Variants in CNTNAP2 observed in about 807,000 individuals in gnomAD.
CNTNAP2 encodes the protein contactin-associated protein-like 2.
Under a neutral mutation model 155.2 loss-of-function variants are expected in CNTNAP2, and 98 were observed. The ratio of observed to expected loss-of-function variants is 0.63; its 90% CI spans 0.54 to 0.75. The LOEUF (loss-of-function observed/expected upper bound fraction) is 0.75, where lower values mean the gene tolerates loss of function less well. Among genes scored for constraint, CNTNAP2 ranks in the 30% least tolerant of loss-of-function variants. The pLI is 0.00. For synonymous variants in CNTNAP2, 651 were observed against 631.2 expected (o/e 1.03, Z -0.47); for missense variants, 1,727 against 1,688.1 (o/e 1.02, Z -0.40).
chr7:147,116,407 C>G (rs1319931065), intron 5 of CNTNAP2, among the ~76,000 whole-genome samples: 1 of 152,210 alleles, frequency 6.6e-6, no homozygotes, highest in Non-Finnish European at 1.5e-5. Flanking sequence ...CTCCAAGGCC[C>G]ACAGGCTGGA....
chr7:147,027,708 G>C (rs2129249177), intron 3 of CNTNAP2, among the ~76,000 whole-genome samples: 1 of 152,246 alleles, frequency 6.6e-6, no homozygotes, highest in East Asian at 1.9e-4. Context: ...GAGCTCTCAG[G>C]GGAGAAGGAG....
chr7:147,609,731 G>A (rs1357793147), intron 12 of CNTNAP2, among the ~76,000 whole-genome samples: 1 of 152,098 alleles, frequency 6.6e-6, no homozygotes, highest in African/African-American at 2.4e-5. Flanking sequence ...AAGGGAGGCA[G>A]ATGAACAGGA....
chr7:148,218,108 A>G (rs1198265859), intron 19 of CNTNAP2, among the ~76,000 whole-genome samples: 1 of 152,280 alleles, frequency 6.6e-6, no homozygotes, highest in Admixed American at 6.5e-5. Context: ...GCTGGGCAAC[A>G]GAGTGAGACC....
chr7:147,423,619 G>T (rs1797333242), intron 10 of CNTNAP2, among the ~76,000 whole-genome samples: 1 of 151,992 alleles, frequency 6.6e-6, no homozygotes, highest in African/African-American at 2.4e-5. Context: ...GTATTCTTTG[G>T]AGTTTTCAAT....
intron 22 of CNTNAP2, among the ~76,000 whole-genome samples, chr7:148,402,246 T>TTAAC (rs1799602234): frequency 6.6e-6 from 1 of 152,238 alleles, no homozygotes; most frequent in South Asian, 2.1e-4. Context: ...TAAAGCTTGT[T>TTAAC]TAACTTTTCA....
intron 14 of CNTNAP2, among the ~76,000 whole-genome samples, chr7:147,909,785 T>A (rs1301643780): frequency 6.6e-6 from 1 of 152,176 alleles, no homozygotes; most frequent in Non-Finnish European, 1.5e-5. Context: ...ATTCATTGCG[T>A]GAGTACCCTT....
chr7:146,210,390 G>A (rs967880007), intron 1 of CNTNAP2, among the ~76,000 whole-genome samples: 4 of 152,166 alleles, frequency 2.6e-5, no homozygotes, highest in East Asian at 1.9e-4. Context: ...ATTTTTCTCC[G>A]CCTCCCGGGT....
chr7:146,807,334 AT>A (rs1802986331), intron 2 of CNTNAP2, among the ~76,000 whole-genome samples: 1 of 152,218 alleles, frequency 6.6e-6, no homozygotes, highest in African/African-American at 2.4e-5. Context: ...TTAATAATAT[AT>A]TTTTTAACTA....
chr7:146,761,250 A>G (rs1802091818), intron 1 of CNTNAP2, among the ~76,000 whole-genome samples: 1 of 151,970 alleles, frequency 6.6e-6, no homozygotes. Flanking sequence ...GTTAATACGC[A>G]GATGAATGCA....
At chr7:146,990,029 A>G (rs546311815) in intron 3 of CNTNAP2, among the ~76,000 whole-genome samples, 2 of 152,262 alleles carry the variant, frequency 1.3e-5, no homozygotes, top group Non-Finnish European at 2.9e-5. Context: ...ATGTCCAATA[A>G]GCCATATTTA....
intron 1 of CNTNAP2, among the ~76,000 whole-genome samples, chr7:146,577,873 C>T (rs1315613770): frequency 6.6e-6 from 1 of 151,770 alleles, no homozygotes; most frequent in Admixed American, 6.6e-5. Flanking sequence ...AAAAGTCAGT[C>T]ATTTTGTTTT....
chr7:146,876,724 G>A (rs184414171), intron 3 of CNTNAP2, among the ~76,000 whole-genome samples: 3 of 152,234 alleles, frequency 2.0e-5, no homozygotes, highest in Admixed American at 6.5e-5. Context: ...ATACAATAAT[G>A]TGTATTGTTG....
At chr7:146,349,062 A>G (rs756713246) in intron 1 of CNTNAP2, among the ~76,000 whole-genome samples, 113 of 152,196 alleles carry the variant, frequency 7.4e-4, no homozygotes, top group Non-Finnish European at 7.2e-4. Context: ...GTAAGTTACC[A>G]CAAGGCCTGG....
At chr7:146,564,141 G>T (rs1253597071) in intron 1 of CNTNAP2, among the ~76,000 whole-genome samples, 1 of 152,120 alleles carries the variant, frequency 6.6e-6, no homozygotes, top group Non-Finnish European at 1.5e-5. Flanking sequence ...ACATTTCATA[G>T]AAGTAAATGT....
intron 1 of CNTNAP2, among the ~76,000 whole-genome samples, chr7:146,525,532 T>TTATCTATCTATC (rs71175655): frequency 0.012 from 1,839 of 147,948 alleles, 14 homozygotes; most frequent in Non-Finnish European, 0.016. Context: ...TCTTTTCAGT[T>TTATCTATCTATC]TATCTATCTA....
At chr7:147,953,406 A>G (rs1800968594) in intron 14 of CNTNAP2, among the ~76,000 whole-genome samples, 1 of 151,894 alleles carries the variant, frequency 6.6e-6, no homozygotes, top group African/African-American at 2.4e-5. Flanking sequence ...CTTTCCTTCT[A>G]AGAAATACGA....
chr7:148,346,743 G>T (rs973769678), intron 21 of CNTNAP2, among the ~76,000 whole-genome samples: 9 of 148,732 alleles, frequency 6.1e-5, no homozygotes, highest in African/African-American at 2.0e-4. Context: ...TTGCACTCCA[G>T]CCTGGGCAAC....
intron 15 of CNTNAP2, among the ~76,000 whole-genome samples, chr7:147,981,148 G>A (rs1015365396): frequency 2.4e-4 from 36 of 152,284 alleles, no homozygotes; most frequent in African/African-American, 8.4e-4. Context: ...AAATTTCTGA[G>A]CATACTTTCA....
Position 146,776,056 on chromosome 7 carries a change from A to T in CNTNAP2, c.208+1675A>T, listed in dbSNP as rs185068481. ...TTTTAATATATTTCTCTCTCATAAA[A>T]GTCATTGAAAACAACTAAAACAATG... On this transcript the variant is annotated intron_variant, in intron 2 of 23. Transcript: ENST00000361727. 2.0e-5 allele frequency among the ~76,000 whole-genome samples: 3 copies of T among 152,322 alleles called. No homozygotes were observed. In the East Asian group the frequency reaches 5.8e-4, roughly 29 times the overall value.
Sources: gnomAD v4.1 joint callset for allele counts (sites outside exome capture counted in the v4.1 genomes callset) on GRCh38, gnomAD v4.1.1 for gene constraint, MANE v1.5 for transcripts, NCBI Gene and HGNC (gene_info 2026-07-23, HGNC 2026-07-21) for gene names.